Variants in AQR observed in about 807,000 individuals in gnomAD.
AQR encodes RNA helicase aquarius.
AQR carries 61 observed loss-of-function variants against 180.5 expected under a neutral mutation model. The observed-to-expected ratio is 0.34, with a 90% CI of 0.28 to 0.42. The LOEUF (loss-of-function observed/expected upper bound fraction) is 0.42, where lower values mean the gene tolerates loss of function less well. Among genes scored for constraint, AQR ranks in the 10% least tolerant of loss-of-function variants. AQR has a pLI of 1.00. For synonymous variants in AQR, 551 were observed against 588.8 expected (o/e 0.94, Z 0.93); for missense variants, 1,281 against 1,798.3 (o/e 0.71, Z 5.20).
In AQR at chr15:34,926,037, G is replaced by A. The variant is rs545595221; in HGVS notation, c.1118+998C>T. Among the ~76,000 whole-genome samples the A allele has an allele frequency of 6.6e-5, 10 of 150,734 alleles. No homozygotes were observed. The East Asian group carries it at 1.8e-3, about 27-fold the overall frequency. On this transcript the variant is annotated intron_variant, in intron 13 of 34. Transcript: ENST00000156471. Reference sequence around the variant, plus strand: ...AAAAAATTAGACGGGCGTGGTGGCGGGCGCCTGTAGTCCCAGCTACTCAGG... The same window carrying A: ...AAAAAATTAGACGGGCGTGGTGGCGAGCGCCTGTAGTCCCAGCTACTCAGG...
At chr15:34,945,185 C>A (rs1210963407) in intron 5 of AQR, among the ~76,000 whole-genome samples, 4 of 152,216 alleles carry the variant, frequency 2.6e-5, no homozygotes, top group Non-Finnish European at 5.9e-5. Context: ...GTCCAGATTT[C>A]TCTTCTGAGC....
chr15:34,894,443 T>G (rs1893199087), intron 22 of AQR, among the ~76,000 whole-genome samples: 1 of 152,042 alleles, frequency 6.6e-6, no homozygotes, highest in African/African-American at 2.4e-5. Context: ...CATTCTTGCA[T>G]GAAGAAAAAC....
intron 2 of AQR, 102 bp downstream of exon 2, chr15:34,964,132 G>A: frequency 1.2e-6 from 1 of 820,052 alleles, no homozygotes; most frequent in East Asian, 2.7e-5. Flanking sequence ...AGATCGTTAG[G>A]TTGTTTTTAA....
intron 5 of AQR, among the ~76,000 whole-genome samples, chr15:34,946,334 C>T (rs909919144): frequency 6.6e-6 from 1 of 152,172 alleles, no homozygotes; most frequent in African/African-American, 2.4e-5. Flanking sequence ...ACTTTGGTAA[C>T]TTTTTTTATT....
chr15:34,957,594 G>C (rs577425878), intron 3 of AQR, among the ~76,000 whole-genome samples: 1 of 150,762 alleles, frequency 6.6e-6, no homozygotes, highest in African/African-American at 2.4e-5. Flanking sequence ...CCTGCTACTC[G>C]GGAGGCTGAG....
intron 16 of AQR, among the ~76,000 whole-genome samples, chr15:34,911,492 T>C (rs1566987829): frequency 6.6e-6 from 1 of 152,188 alleles, no homozygotes; most frequent in Non-Finnish European, 1.5e-5. Flanking sequence ...TTCTAACAGG[T>C]GTGAGGTTTG....
rs2050297947 is a variant in AQR, at chr15:34,964,302, A to G, written c.76-12T>C. 1 of 1,583,522 alleles carries G rather than the reference A, an allele frequency of 6.3e-7. No individual in the cohort carries two copies. The highest frequency in any genetic ancestry group is 1.7e-5 in the Admixed American group (1 of 59,196). ...TATTTACATGCTAACTGCAAAGTAA[A>G]CAGTATAAACAGTAAGTCCCAGATT... On this transcript the variant is annotated splice_polypyrimidine_tract_variant and intron_variant, in intron 1 of 34. Transcript: ENST00000156471.
intron 13 of AQR, among the ~76,000 whole-genome samples, chr15:34,923,275 G>A (rs909292808): frequency 6.6e-5 from 10 of 152,096 alleles, no homozygotes; most frequent in African/African-American, 2.2e-4. Context: ...ATCCACTGGG[G>A]TTCTGGAACA....
chr15:34,958,982 TATAGATATAG>T (rs1343728075), intron 3 of AQR, among the ~76,000 whole-genome samples: 8 of 12,934 alleles, frequency 6.2e-4, no homozygotes, highest in Admixed American at 1.7e-3. Context: ...GATATATAGA[TATAGATATAG>T]ATATAGATAT....
intron 19 of AQR, among the ~76,000 whole-genome samples, chr15:34,901,595 T>C (rs1378725188): frequency 3.9e-5 from 6 of 152,218 alleles, no homozygotes; most frequent in Non-Finnish European, 8.8e-5. Context: ...AGGCTATTAA[T>C]TTCAAAGAAT....
chr15:34,943,945 C>T (rs1894068741), intron 6 of AQR, among the ~76,000 whole-genome samples: 1 of 152,160 alleles, frequency 6.6e-6, no homozygotes, highest in Admixed American at 6.5e-5. Flanking sequence ...TGGCACAGAT[C>T]TCATTACTCC....
intron 30 of AQR, 88 bp from the exon 31 acceptor site, chr15:34,871,010 T>C (rs747104127): frequency 7.9e-5 from 106 of 1,340,978 alleles, no homozygotes; most frequent in Admixed American, 4.3e-4. Flanking sequence ...AAGCAAAACT[T>C]GTTCACTTTG....
chr15:34,946,955 G>C (rs1373062588), intron 5 of AQR, among the ~76,000 whole-genome samples: 18 of 147,420 alleles, frequency 1.2e-4, no homozygotes, highest in African/African-American at 2.8e-4. Context: ...GCCCGGCCGC[G>C]CCTACTGGGA....
intron 11 of AQR, among the ~76,000 whole-genome samples, chr15:34,930,788 T>A (rs184020993): frequency 7.7e-4 from 116 of 150,160 alleles, no homozygotes; most frequent in Non-Finnish European, 1.4e-3. Context: ...TTGCAATTCA[T>A]AATTGGAGAT....
At chr15:34,860,198 C>A (rs1272120831) in intron 33 of AQR, 43 bp from the exon 34 acceptor site, 1 of 1,036,886 alleles carries the variant, frequency 9.6e-7, no homozygotes, top group Non-Finnish European at 1.4e-6. Context: ...AGTAAAACAA[C>A]CCTAGAAGGT....
chr15:34,874,889 G>A lies in AQR; in HGVS notation c.3238-25C>T, dbSNP rs562834652. Reference sequence around the variant, plus strand: ...TCTAGAAATGAAAAGTAAGGAAATGGCAAAATACTCTATTATCCTCTTGTC... The same window carrying A: ...TCTAGAAATGAAAAGTAAGGAAATGACAAAATACTCTATTATCCTCTTGTC... On this transcript the variant is annotated intron_variant, in intron 28 of 34. Coordinates refer to ENST00000156471, the MANE Select transcript of AQR (RefSeq NM_014691.3). The A allele has an allele frequency of 6.2e-6, 10 of 1,600,754 alleles. No homozygotes were observed. In the East Asian group the frequency reaches 8.9e-5, roughly 14 times the overall value.
At chr15:34,915,964 G>A (rs1893577614) in intron 15 of AQR, among the ~76,000 whole-genome samples, 1 of 151,342 alleles carries the variant, frequency 6.6e-6, no homozygotes, top group Non-Finnish European at 1.5e-5. Flanking sequence ...AAAAAAAAAA[G>A]AGAGAGAATT....
At position 34,875,921 on chromosome 15, in the gene AQR, C is replaced by G. The variant is rs1184578514; in HGVS notation, c.3237+14G>C. 6.3e-7 allele frequency: 1 copy of G among 1,590,270 alleles called. No individual in the cohort carries two copies. The highest frequency in any genetic ancestry group is 8.6e-7 in the Non-Finnish European group (1 of 1,159,208). On this transcript the variant is annotated intron_variant, in intron 28 of 34. Coordinates refer to ENST00000156471, the MANE Select transcript of AQR (RefSeq NM_014691.3). The stretch of plus-strand genomic sequence containing the variant: ...GAACTCTATTTTCTTTGCCTCAGAT[C>G]TTATATTTCTTACCTGTAGAAGAAG...
Position 34,852,069 on chromosome 15 carries a change from T to C in AQR, c.*4723A>G, listed in dbSNP as rs1415498903. On this transcript the variant is annotated 3_prime_UTR_variant, in exon 35 of 35. Coordinates refer to ENST00000156471, the MANE Select transcript of AQR (RefSeq NM_014691.3). Reference sequence around the variant, plus strand: ...GCTGTTACTTCACCCTCTGGTTACCTGTAGGGAAAAAAAATGTATTTTGGG... The same window carrying C: ...GCTGTTACTTCACCCTCTGGTTACCCGTAGGGAAAAAAAATGTATTTTGGG... 6.6e-6 allele frequency: 1 copy of C among 151,980 alleles called. No homozygotes were observed. Among genetic ancestry groups the C allele is most frequent in the African/African-American group, 2.4e-5 (1 of 41,304 alleles). 9.4% of individuals were successfully genotyped at this position (151,980 alleles called of 1,614,324 possible).
Sources: allele counts gnomAD v4.1 joint callset (sites outside exome capture counted in the v4.1 genomes callset), GRCh38; gene constraint gnomAD v4.1.1; transcripts MANE v1.5; gene names NCBI Gene and HGNC (gene_info 2026-07-23, HGNC 2026-07-21).